Variants in GRM8 observed in about 807,000 individuals in gnomAD.
GRM8 encodes the protein glutamate metabotropic receptor 8.
In GRM8, 47 loss-of-function variants were observed where a neutral mutation model predicts 87.2. The observed-to-expected ratio is 0.54, with a 90% confidence interval of 0.43 to 0.69. The LOEUF is 0.69. Ranked by LOEUF, GRM8 falls within the 30% of genes least tolerant of loss-of-function variation. The pLI is 0.00. For synonymous variants in GRM8, 396 were observed against 404.5 expected, an observed-to-expected ratio of 0.98 and a Z score of 0.25; for missense variants, 1,019 against 1,139.2, an observed-to-expected ratio of 0.89 and a Z score of 1.52.
At chr7:127,176,171 A>G (rs572424542) in intron 2 of GRM8, among the ~76,000 whole-genome samples, 18 of 152,332 alleles carry the variant, frequency 1.2e-4, no homozygotes, top group Admixed American at 2.0e-4. Context: ...CCACTATTAA[A>G]AAAATTTTTA....
chr7:126,969,602 C>A (rs1810212476), intron 3 of GRM8, among the ~76,000 whole-genome samples: 2 of 152,120 alleles, frequency 1.3e-5, no homozygotes, highest in African/African-American at 4.8e-5. Flanking sequence ...ACCACATCTG[C>A]AGTTATTTCC....
At chr7:127,140,745 T>A (rs1828216276) in intron 2 of GRM8, among the ~76,000 whole-genome samples, 1 of 152,134 alleles carries the variant, frequency 6.6e-6, no homozygotes, top group Non-Finnish European at 1.5e-5. Context: ...AGGAATACGA[T>A]CCTCATATTC....
intron 9 of GRM8, among the ~76,000 whole-genome samples, chr7:126,516,851 A>C (rs1812244522): frequency 6.6e-6 from 1 of 152,212 alleles, no homozygotes; most frequent in East Asian, 1.9e-4. Flanking sequence ...CCAGAAAATA[A>C]ATTGTTTATG....
intron 9 of GRM8, among the ~76,000 whole-genome samples, chr7:126,456,140 A>G (rs967787511): frequency 4.6e-5 from 7 of 151,634 alleles, no homozygotes; most frequent in Non-Finnish European, 3.0e-5. Context: ...ACTTCTGAGA[A>G]TAACTATAAA....
intron 2 of GRM8, among the ~76,000 whole-genome samples, chr7:127,162,091 A>G (rs1344393964): frequency 1.3e-5 from 2 of 152,168 alleles, no homozygotes; most frequent in East Asian, 3.9e-4. Context: ...CTGGTTATAC[A>G]ATGTTGAACT....
chr7:126,477,149 A>C (rs1164957097), intron 9 of GRM8, among the ~76,000 whole-genome samples: 1 of 152,166 alleles, frequency 6.6e-6, no homozygotes. Context: ...ATAGAAAAAC[A>C]AATATTGCAT....
At chr7:126,932,978 TC>T in intron 3 of GRM8, among the ~76,000 whole-genome samples, 1 of 152,144 alleles carries the variant, frequency 6.6e-6, no homozygotes, top group East Asian at 1.9e-4. Flanking sequence ...AAGAGAGCTG[TC>T]AGAGTTCTAG....
chr7:126,439,030 G>A lies in GRM8; in HGVS notation c.*89C>T, dbSNP rs570688040. The A allele has an allele frequency of 2.6e-5, 21 of 804,352 alleles. No individual in the cohort carries two copies. Among genetic ancestry groups the A allele is most frequent in the Non-Finnish European group, 4.0e-5 (18 of 445,610 alleles). 49.8% of individuals were successfully genotyped at this position (804,352 alleles called of 1,614,324 possible). On this transcript the variant is annotated 3_prime_UTR_variant, in exon 11 of 11. Coordinates refer to ENST00000339582, the MANE Select transcript of GRM8 (RefSeq NM_000845.3). ...ATTGATTTGATTGATTGTAGTCTACGGAGATCTCCAGGAGTGAATTTTTGC... is the reference window on the plus strand; with the variant it reads ...ATTGATTTGATTGATTGTAGTCTACAGAGATCTCCAGGAGTGAATTTTTGC...
chr7:126,832,396 T>A (rs1488825274), intron 6 of GRM8, among the ~76,000 whole-genome samples: 1 of 152,154 alleles, frequency 6.6e-6, no homozygotes, highest in Non-Finnish European at 1.5e-5. Flanking sequence ...TTGAATTCAT[T>A]TAAGCCACAC....
intron 6 of GRM8, among the ~76,000 whole-genome samples, chr7:126,898,886 C>G (rs1801796998): frequency 6.6e-6 from 1 of 151,964 alleles, no homozygotes. Context: ...AGGTTTTAAG[C>G]CCCGCATGCA....
At position 127,194,528 on chromosome 7, in the gene GRM8, C is replaced by T. The variant is rs866474530; in HGVS notation, c.510+48167G>A. Among the ~76,000 whole-genome samples the T allele has an allele frequency of 4.6e-5, 7 of 152,262 alleles. No individual in the cohort carries two copies. In the Middle Eastern group the frequency reaches 0.01, roughly 222 times the overall value. ...CTCCTTCTGCATAATAATGAAAGGA[C>T]AAGGTACCTTGCGGATCCTAGGGCA... is the stretch of plus-strand genomic sequence containing the variant. On this transcript the variant is annotated intron_variant, in intron 2 of 10. Transcript: ENST00000339582.
chr7:126,812,659 T>C (rs1793412779), intron 6 of GRM8, among the ~76,000 whole-genome samples: 1 of 151,672 alleles, frequency 6.6e-6, no homozygotes, highest in African/African-American at 2.4e-5. Flanking sequence ...GTAGGAGGAG[T>C]CCTGAAACTA....
At chr7:127,219,120 G>A (rs1057105535) in intron 2 of GRM8, among the ~76,000 whole-genome samples, 2 of 150,770 alleles carry the variant, frequency 1.3e-5, no homozygotes, top group African/African-American at 4.9e-5. Context: ...TGCTCTTTAT[G>A]GCCTGCTTTC....
intron 2 of GRM8, among the ~76,000 whole-genome samples, chr7:127,184,546 G>A (rs1308294277): frequency 6.6e-6 from 1 of 151,886 alleles, no homozygotes; most frequent in African/African-American, 2.4e-5. Context: ...ACTTAATAGT[G>A]AGAAACCAGT....
intron 7 of GRM8, among the ~76,000 whole-genome samples, chr7:126,741,639 G>C (rs1004994415): frequency 6.6e-6 from 1 of 152,072 alleles, no homozygotes; most frequent in Non-Finnish European, 1.5e-5. Context: ...AAGTTCTGAG[G>C]AGCACCACAA....
At chr7:126,546,505 A>T (rs1444150400) in intron 8 of GRM8, among the ~76,000 whole-genome samples, 1 of 152,194 alleles carries the variant, frequency 6.6e-6, no homozygotes, top group Non-Finnish European at 1.5e-5. Flanking sequence ...GTCCAAGTGA[A>T]GGGAATATGG....
chr7:126,524,768 C>T (rs1813574621), intron 9 of GRM8, among the ~76,000 whole-genome samples: 1 of 152,028 alleles, frequency 6.6e-6, no homozygotes, highest in Non-Finnish European at 1.5e-5. Context: ...TATGTTTCAG[C>T]ACATCTGTTC....
chr7:126,852,899 T>C (rs146824042), intron 6 of GRM8, among the ~76,000 whole-genome samples: 1 of 152,326 alleles, frequency 6.6e-6, no homozygotes, highest in East Asian at 1.9e-4. Flanking sequence ...TGGATTGTCC[T>C]TGATCATAAT....
chr7:126,485,044 A>G lies in GRM8; in HGVS notation c.2431-38672T>C, dbSNP rs143458858. On this transcript the variant is annotated intron_variant, in intron 9 of 10. Transcript: ENST00000339582. The stretch of plus-strand genomic sequence containing the variant: ...TCATTTTCGAGTTGGTTATCAGACT[A>G]ACTCTCCTAACTAGTATTTGTATTA... 9.4e-3 allele frequency among the ~76,000 whole-genome samples: 1,424 copies of G among 152,154 alleles called. 18 individuals carry two copies. Among genetic ancestry groups the G allele is most frequent in the African/African-American group, 0.032 (1,337 of 41,548 alleles).
Sources: gnomAD v4.1 joint callset for allele counts (sites outside exome capture counted in the v4.1 genomes callset) on GRCh38, gnomAD v4.1.1 for gene constraint, MANE v1.5 for transcripts, NCBI Gene and HGNC (gene_info 2026-07-23, HGNC 2026-07-21) for gene names.